The following GRB2 variants were observed in gnomAD, a reference collection of about 807,000 sequenced individuals.
GRB2 encodes growth factor receptor-bound protein 2.
GRB2 carries 2 observed loss-of-function variants against 27.4 expected under a neutral mutation model. The observed-to-expected ratio is 0.07, with a 90% CI of 0.03 to 0.23. The LOEUF (loss-of-function observed/expected upper bound fraction) is 0.23. Ranked by LOEUF, GRB2 falls within the 10% of genes least tolerant of loss-of-function variation. The pLI is 1.00. For synonymous variants in GRB2, 94 were observed against 99.6 expected (o/e 0.94, Z 0.33); for missense variants, 102 against 282.4 (o/e 0.36, Z 4.58).
At chr17:75,387,757 G>A (rs1005629020) in intron 2 of GRB2, 4 of 151,572 alleles carry the variant, frequency 2.6e-5, no homozygotes, top group African/African-American at 9.7e-5. Flanking sequence ...AAGATCGTGC[G>A]ATTGCACTCC....
chr17:75,393,436 A>G, intron 2 of GRB2, 115 bp downstream of exon 2: 2 of 818,124 alleles, frequency 2.4e-6, no homozygotes, highest in Non-Finnish European at 4.2e-6. Flanking sequence ...ATATGATGGT[A>G]AATGTTAAAA....
intron 2 of GRB2, among the ~76,000 whole-genome samples, chr17:75,342,924 A>G (rs1430607085): frequency 6.6e-6 from 1 of 151,614 alleles, no homozygotes; most frequent in Non-Finnish European, 1.5e-5. Context: ...TGGTGTGCAC[A>G]TACAGTCCCA....
intron 2 of GRB2, among the ~76,000 whole-genome samples, chr17:75,374,591 G>A (rs1318322129): frequency 6.6e-6 from 1 of 151,416 alleles, no homozygotes; most frequent in Non-Finnish European, 1.5e-5. Flanking sequence ...GAGTGTGGTG[G>A]CACATGCCTG....
At position 75,372,583 on chromosome 17, in the gene GRB2, G is replaced by C. The variant is rs531633535; in HGVS notation, c.78+20968C>G. 73 of 152,332 alleles carry C rather than the reference G, an allele frequency of 4.8e-4. 1 individual carries two copies. The highest frequency in any genetic ancestry group is 1.7e-3 in the African/African-American group (71 of 41,556). 9.4% of individuals were successfully genotyped at this position (152,332 alleles called of 1,614,324 possible). On this transcript the variant is annotated intron_variant, in intron 2 of 5. Coordinates refer to ENST00000316804, the MANE Select transcript of GRB2 (RefSeq NM_002086.5). ...CGAAAACAGTGATTCCAGAAACACTGGTGACATTCTACAGCAGGGTTGTCC... is the reference window on the plus strand; with the variant it reads ...CGAAAACAGTGATTCCAGAAACACTCGTGACATTCTACAGCAGGGTTGTCC...
chr17:75,376,730 T>C (rs7226070), intron 2 of GRB2, among the ~76,000 whole-genome samples: 100,453 of 151,852 alleles, frequency 0.66, 38,186 homozygotes, highest in East Asian at 0.91. Flanking sequence ...CAAGGTGGCT[T>C]ACACCTGTAA....
chr17:75,366,700 C>T (rs868016285), intron 2 of GRB2, among the ~76,000 whole-genome samples: 1 of 151,966 alleles, frequency 6.6e-6, no homozygotes. Flanking sequence ...GTTTCAGCTA[C>T]TTGGGAGGCT....
chr17:75,400,945 A>G (rs573154267), intron 1 of GRB2, among the ~76,000 whole-genome samples: 3 of 151,574 alleles, frequency 2.0e-5, no homozygotes, highest in African/African-American at 7.3e-5. Flanking sequence ...GAGTATCTAC[A>G]TAAATACCAG....
intron 5 of GRB2, 90 bp downstream of exon 5, chr17:75,321,569 T>A: frequency 8.1e-7 from 1 of 1,230,592 alleles, no homozygotes; most frequent in Non-Finnish European, 1.2e-6. Context: ...CGCCCGCATG[T>A]TGAGGGGCGC....
At position 75,338,941 on chromosome 17, in the gene GRB2, C is replaced by A; in HGVS notation, c.79-6144G>T. The A allele has an allele frequency of 6.3e-6, 7 of 1,116,340 alleles. No homozygotes were observed. In the Middle Eastern group the frequency reaches 8.3e-4, roughly 133 times the overall value. The allele number at this position is 1,116,340 out of a possible 1,614,324, so 69.2% of individuals were successfully genotyped here. On this transcript the variant is annotated intron_variant, in intron 2 of 5. Coordinates refer to ENST00000316804, the MANE Select transcript of GRB2 (RefSeq NM_002086.5). The stretch of plus-strand genomic sequence containing the variant: ...GGATTCTCTGTATGCCCAGGGAAAG[C>A]GGCGTTATGACAGGAAGCAGAGTGG...
intron 2 of GRB2, among the ~76,000 whole-genome samples, chr17:75,340,324 A>G (rs1036213220): frequency 1.3e-5 from 2 of 152,250 alleles, no homozygotes; most frequent in Non-Finnish European, 1.5e-5. Context: ...TGGTCCCTGC[A>G]GTGCAGAAAT....
rs754779084 is a variant in GRB2, at chr17:75,352,890, T to TTA, written c.79-20094_79-20093insTA. ...AGTTAACTTGTTTTTTTTTTTTTTTTAAAAGACATAGTTGGCCAGGCACAG... is the reference window on the plus strand; with the variant it reads ...AGTTAACTTGTTTTTTTTTTTTTTTTTAAAAAGACATAGTTGGCCAGGCACAG... On this transcript the variant is annotated intron_variant, in intron 2 of 5. Coordinates refer to ENST00000316804, the MANE Select transcript of GRB2 (RefSeq NM_002086.5). Among the ~76,000 whole-genome samples, 29 of 149,636 alleles carry TTA rather than the reference T, an allele frequency of 1.9e-4. No homozygotes were observed. In the East Asian group the frequency reaches 2.0e-3, roughly 10 times the overall value.
intron 2 of GRB2, among the ~76,000 whole-genome samples, chr17:75,333,588 A>G (rs768490830): frequency 7.2e-5 from 11 of 152,166 alleles, no homozygotes; most frequent in Non-Finnish European, 8.8e-5. Flanking sequence ...ACAGTGATAC[A>G]GTCCTGGATC....
intron 3 of GRB2, chr17:75,326,264 T>A: frequency 1.9e-6 from 1 of 513,646 alleles, no homozygotes; most frequent in Non-Finnish European, 3.5e-6. Flanking sequence ...GGGTCACTCT[T>A]TCTATAGAGG....
At chr17:75,326,378 C>T (rs948203361) in intron 3 of GRB2, 3 of 247,124 alleles carry the variant, frequency 1.2e-5, no homozygotes, top group South Asian at 1.1e-4. Flanking sequence ...GCTTGGTGTA[C>T]GGGATGAACT....
intron 2 of GRB2, among the ~76,000 whole-genome samples, chr17:75,388,800 G>C (rs886197475): frequency 6.6e-6 from 1 of 152,064 alleles, no homozygotes; most frequent in Non-Finnish European, 1.5e-5. Flanking sequence ...TGAAACTCAG[G>C]ACTTATAACT....
chr17:75,384,524 G>A (rs1316730133), intron 2 of GRB2, among the ~76,000 whole-genome samples: 1 of 151,998 alleles, frequency 6.6e-6, no homozygotes, highest in Admixed American at 6.6e-5. Context: ...CAAAAAATAA[G>A]CCGGGCGTGG....
chr17:75,339,625 T>TTC (rs199727775), intron 2 of GRB2, among the ~76,000 whole-genome samples: 1,328 of 33,874 alleles, frequency 0.039, 22 homozygotes, highest in South Asian at 0.23. Flanking sequence ...CTTTCTTTCT[T>TTC]TTTTTTTTTT....
At chr17:75,382,829 C>T (rs2078937975) in intron 2 of GRB2, among the ~76,000 whole-genome samples, 1 of 152,158 alleles carries the variant, frequency 6.6e-6, no homozygotes, top group Non-Finnish European at 1.5e-5. Context: ...CTGCCTCAGC[C>T]TCCTGAGTAG....
intron 3 of GRB2, among the ~76,000 whole-genome samples, chr17:75,326,982 C>A (rs554337706): frequency 3.3e-5 from 5 of 152,044 alleles, no homozygotes; most frequent in Non-Finnish European, 7.4e-5. Flanking sequence ...TGGAAACTGG[C>A]ATTCATTTAA....
Sources: gnomAD v4.1 joint callset for allele counts (sites outside exome capture counted in the v4.1 genomes callset) on GRCh38, gnomAD v4.1.1 for gene constraint, MANE v1.5 for transcripts, NCBI Gene and HGNC (gene_info 2026-07-23, HGNC 2026-07-21) for gene names.